Variants in PPA2 observed in about 807,000 individuals in gnomAD.
PPA2 encodes inorganic pyrophosphatase 2.
In PPA2, 48 loss-of-function variants were observed where a neutral mutation model predicts 49.5. The observed-to-expected ratio is 0.97, with a 90% CI of 0.77 to 1.23. The LOEUF (loss-of-function observed/expected upper bound fraction) is 1.23, where lower values mean the gene tolerates loss of function less well. PPA2 is among the 50% of genes most tolerant of loss of function. PPA2 has a pLI of 0.00. For missense variants in PPA2, 429 were observed against 410.1 expected (o/e 1.05, Z -0.40); for synonymous variants, 131 against 139.9 (o/e 0.94, Z 0.45).
intron 8 of PPA2, chr4:105,398,789 T>C (rs1242294474): frequency 3.1e-5 from 9 of 288,576 alleles, no homozygotes; most frequent in Admixed American, 2.6e-4. Flanking sequence ...TGAAATTCCT[T>C]CATTTTCCAA....
chr4:105,442,918 A>G (rs1724433023), intron 5 of PPA2, among the ~76,000 whole-genome samples: 1 of 152,236 alleles, frequency 6.6e-6, no homozygotes, highest in South Asian at 2.1e-4. Context: ...CAAATGTGAC[A>G]CACATACACA....
intron 7 of PPA2, among the ~76,000 whole-genome samples, chr4:105,401,389 A>G (rs1722182513): frequency 6.6e-6 from 1 of 152,126 alleles, no homozygotes; most frequent in South Asian, 2.1e-4. Flanking sequence ...AGTTTTATTT[A>G]CATTTAAAAA....
intron 7 of PPA2, among the ~76,000 whole-genome samples, chr4:105,420,721 C>A (rs73836205): frequency 5.9e-5 from 9 of 151,952 alleles, no homozygotes; most frequent in Admixed American, 5.2e-4. Flanking sequence ...AAAATGGACA[C>A]CAGCCAACAA....
chr4:105,370,747 A>G, intron 11 of PPA2, 90 bp downstream of exon 11: 3 of 1,257,056 alleles, frequency 2.4e-6, no homozygotes, highest in Non-Finnish European at 3.1e-6. Context: ...CAATTTATCT[A>G]TTTTATTTTT....
At chr4:105,403,375 T>A (rs1039391280) in intron 7 of PPA2, among the ~76,000 whole-genome samples, 1 of 152,096 alleles carries the variant, frequency 6.6e-6, no homozygotes, top group Admixed American at 6.6e-5. Context: ...AAAGGCTTTA[T>A]AAAGAGTGTC....
Position 105,386,597 on chromosome 4 carries a change from A to G in PPA2, c.909T>C (p.Thr303=), listed in dbSNP as rs774621340. 8.1e-6 allele frequency: 13 copies of G among 1,612,610 alleles called. No individual in the cohort carries two copies. Among genetic ancestry groups the G allele is most frequent in the Non-Finnish European group, 1.1e-5 (13 of 1,179,060 alleles). The change falls in exon 10 of 12, where the codon ACT becomes ACC. Residue 303 remains threonine (T), a synonymous_variant. Transcript: ENST00000341695. ...CAACTAATGATCTTGCTTCCTCTTGAGTGCAACGGAAAGGGCTATCAGATA... is the reference window on the plus strand; with the variant it reads ...CAACTAATGATCTTGCTTCCTCTTGGGTGCAACGGAAAGGGCTATCAGATA... The part of the protein sequence containing the change: ...VQISDSPFRC[T]QEEARSLVES...
intron 8 of PPA2, chr4:105,398,835 T>A: frequency 2.2e-6 from 1 of 446,932 alleles, no homozygotes; most frequent in South Asian, 4.4e-5. Flanking sequence ...TGGAAATATA[T>A]ATTTTTCAGC....
rs553365603 is a variant in PPA2 at position 105,411,542 on chromosome 4, T to C, written c.656-12378A>G. Among the ~76,000 whole-genome samples the C allele has an allele frequency of 3.7e-4, 56 of 152,222 alleles. 1 individual carries two copies. The highest frequency in any genetic ancestry group is 2.0e-3 in the Admixed American group (30 of 15,284). On this transcript the variant is annotated intron_variant, in intron 7 of 11. Coordinates refer to ENST00000341695, the MANE Select transcript of PPA2 (RefSeq NM_176869.3). ...GGAAAATCAGCACAAGACAAGGATG[T>C]CCTCTCTCACCACTCCTATTCAACA...
chr4:105,386,825 G>C (rs1733704873), intron 9 of PPA2, among the ~76,000 whole-genome samples, 189 bp from the exon 10 acceptor site: 1 of 152,108 alleles, frequency 6.6e-6, no homozygotes, highest in Admixed American at 6.6e-5. Context: ...TCTAAGTATA[G>C]AGTAGTCCAC....
At chr4:105,417,007 A>G (rs576853223) in intron 7 of PPA2, among the ~76,000 whole-genome samples, 3 of 152,250 alleles carry the variant, frequency 2.0e-5, no homozygotes, top group Non-Finnish European at 2.9e-5. Flanking sequence ...TTCTCAAAAT[A>G]TAGACATTCA....
intron 6 of PPA2, among the ~76,000 whole-genome samples, chr4:105,432,152 CAT>C (rs1384959620): frequency 6.6e-6 from 1 of 152,184 alleles, no homozygotes; most frequent in Non-Finnish European, 1.5e-5. Flanking sequence ...TTGTTATATA[CAT>C]GTCAAAATGA....
intron 7 of PPA2, among the ~76,000 whole-genome samples, chr4:105,414,299 G>T (rs1339464994): frequency 6.6e-6 from 1 of 152,218 alleles, no homozygotes; most frequent in East Asian, 1.9e-4. Context: ...CAGTAATAGT[G>T]CCACAGGATT....
At chr4:105,432,795 A>G (rs1408099223) in intron 6 of PPA2, among the ~76,000 whole-genome samples, 3 of 152,110 alleles carry the variant, frequency 2.0e-5, no homozygotes, top group South Asian at 2.1e-4. Flanking sequence ...TATTTTTCCA[A>G]TGTGGCCCAG....
In PPA2 at chr4:105,473,911, T is replaced by C; in HGVS notation, c.140A>G (p.Asn47Ser). Residue 47 changes from asparagine (N) to serine (S), a missense_variant, in exon 1 of 12, where the codon AAT becomes AGT. Transcript: ENST00000341695. ...TEERGQPCSQ[N>S]YRLFFKNVTG... is the part of the protein sequence containing the mutation. ...CTACTTACTAAAGAAGAGGCGGTAATTCTGCGAGCAGGGCTGGCCGCGCTC... is the reference window on the plus strand; with the variant it reads ...CTACTTACTAAAGAAGAGGCGGTAACTCTGCGAGCAGGGCTGGCCGCGCTC... 1 of 1,602,694 alleles carries C rather than the reference T, an allele frequency of 6.2e-7. No individual in the cohort carries two copies. Among genetic ancestry groups the C allele is most frequent in the Non-Finnish European group, 8.5e-7 (1 of 1,173,320 alleles).
intron 6 of PPA2, among the ~76,000 whole-genome samples, chr4:105,430,673 A>G (rs1723756650): frequency 6.6e-6 from 1 of 152,230 alleles, no homozygotes; most frequent in Admixed American, 6.5e-5. Context: ...GATAGAGGCT[A>G]ACAAATCAGA....
At chr4:105,440,912 C>A (rs1724330745) in intron 5 of PPA2, among the ~76,000 whole-genome samples, 1 of 152,088 alleles carries the variant, frequency 6.6e-6, no homozygotes, top group Non-Finnish European at 1.5e-5. Context: ...CATGATTTTC[C>A]TTACCAGCAA....
chr4:105,394,389 A>T (rs1404231094), intron 9 of PPA2, among the ~76,000 whole-genome samples: 1 of 123,292 alleles, frequency 8.1e-6, no homozygotes. Context: ...AAAAAAAAAA[A>T]AGAAAGAAAA....
intron 9 of PPA2, among the ~76,000 whole-genome samples, chr4:105,390,465 G>GA (rs34223568): frequency 0.092 from 13,714 of 149,076 alleles, 1,282 homozygotes; most frequent in African/African-American, 0.24. Context: ...AAATTTACAA[G>GA]AAAAAAAAAA....
chr4:105,432,381 C>G (rs1160403034), intron 6 of PPA2, among the ~76,000 whole-genome samples: 1 of 152,102 alleles, frequency 6.6e-6, no homozygotes, highest in Non-Finnish European at 1.5e-5. Context: ...AGCAAAAGAA[C>G]AAACTTTATG....
Sources: allele counts gnomAD v4.1 joint callset (sites outside exome capture counted in the v4.1 genomes callset), GRCh38; gene constraint gnomAD v4.1.1; transcripts MANE v1.5; gene names NCBI Gene and HGNC (gene_info 2026-07-23, HGNC 2026-07-21).